PCSK2: variants seen among roughly 807,000 people sequenced by gnomAD.
PCSK2 encodes the protein neuroendocrine convertase 2.
A neutral mutation model predicts 69.7 loss-of-function variants in PCSK2; 14 were observed. That is an observed-to-expected ratio of 0.20 (90% confidence interval 0.13 to 0.31). The LOEUF is 0.31. Among genes scored for constraint, PCSK2 ranks in the 10% least tolerant of loss-of-function variants. The pLI is 1.00. For synonymous variants in PCSK2, 307 were observed against 320.7 expected, an observed-to-expected ratio of 0.96 and a Z score of 0.46; for missense variants, 544 against 842.5, an observed-to-expected ratio of 0.65 and a Z score of 4.39.
intron 6 of PCSK2, among the ~76,000 whole-genome samples, chr20:17,409,793 T>C (rs774954628): frequency 3.3e-5 from 5 of 152,200 alleles, no homozygotes; most frequent in Admixed American, 2.6e-4. Context: ...GTAAGTGTGA[T>C]TGGCAGAGGT....
chr20:17,473,245 C>T (rs766043106), intron 11 of PCSK2, among the ~76,000 whole-genome samples: 12 of 152,056 alleles, frequency 7.9e-5, no homozygotes, highest in Non-Finnish European at 1.3e-4. Context: ...AGGTACACAC[C>T]ACCATGCCTG....
rs1211296953 is a variant in PCSK2, at chr20:17,465,643, A to C, written c.1430+90A>C. On this transcript the variant is annotated intron_variant, in intron 11 of 11. Transcript: ENST00000262545. ...TGGCATAATATCACATTCCCTCTTCATGTTTGGGTCAACTGTATTTTTTGT... is the reference window on the plus strand; with the variant it reads ...TGGCATAATATCACATTCCCTCTTCCTGTTTGGGTCAACTGTATTTTTTGT... 5.6e-5 allele frequency: 44 copies of C among 787,632 alleles called. 1 individual carries two copies. The highest frequency in any genetic ancestry group is 5.1e-4 in the African/African-American group (29 of 57,278). The allele number at this position is 787,632 out of a possible 1,614,324, so 48.8% of individuals were successfully genotyped here.
intron 2 of PCSK2, among the ~76,000 whole-genome samples, chr20:17,331,780 A>G (rs1324630108): frequency 2.0e-5 from 3 of 150,656 alleles, no homozygotes; most frequent in Non-Finnish European, 4.4e-5. Context: ...AAAAAAAAAA[A>G]CCTCTGAGGT....
At chr20:17,309,874 G>A (rs775089599) in intron 2 of PCSK2, among the ~76,000 whole-genome samples, 1 of 149,684 alleles carries the variant, frequency 6.7e-6, no homozygotes, top group Non-Finnish European at 1.5e-5. Flanking sequence ...GAAGGGGAAG[G>A]GGAAGAGAAA....
At chr20:17,355,804 C>T (rs987508434) in intron 2 of PCSK2, among the ~76,000 whole-genome samples, 2 of 152,104 alleles carry the variant, frequency 1.3e-5, no homozygotes, top group African/African-American at 4.8e-5. Flanking sequence ...CCAGTGACTG[C>T]GAGCAGCAGG....
chr20:17,270,486 A>G (rs1182919424), intron 2 of PCSK2, among the ~76,000 whole-genome samples: 1 of 152,146 alleles, frequency 6.6e-6, no homozygotes, highest in African/African-American at 2.4e-5. Context: ...ATAACAACCC[A>G]ATTGCTGGAG....
intron 8 of PCSK2, among the ~76,000 whole-genome samples, chr20:17,447,196 G>C (rs2032715850): frequency 6.6e-6 from 1 of 151,482 alleles, no homozygotes; most frequent in Non-Finnish European, 1.5e-5. Context: ...TCTTGAAGCT[G>C]GGAGGCAAAG....
chr20:17,353,143 C>T (rs1453071417), intron 2 of PCSK2, among the ~76,000 whole-genome samples: 1 of 152,144 alleles, frequency 6.6e-6, no homozygotes, highest in Admixed American at 6.6e-5. Flanking sequence ...GATACCATCT[C>T]ACAACAGTCA....
intron 1 of PCSK2, among the ~76,000 whole-genome samples, chr20:17,242,885 C>T (rs1986634560): frequency 4.6e-5 from 7 of 152,138 alleles, no homozygotes; most frequent in Admixed American, 4.6e-4. Flanking sequence ...GGCTTGTTTG[C>T]CTTCTGTGTG....
intron 2 of PCSK2, among the ~76,000 whole-genome samples, chr20:17,269,002 A>G (rs528835380): frequency 6.6e-6 from 1 of 152,344 alleles, no homozygotes; most frequent in Admixed American, 6.5e-5. Context: ...GTTGGCCTGC[A>G]TTACTATAGA....
chr20:17,454,636 C>CT (rs2032885343), intron 9 of PCSK2, among the ~76,000 whole-genome samples: 2 of 152,122 alleles, frequency 1.3e-5, no homozygotes, highest in East Asian at 1.9e-4. Flanking sequence ...GCATAATAAG[C>CT]TTTTTTGGAT....
chr20:17,237,098 G>A (rs1324550845), intron 1 of PCSK2, among the ~76,000 whole-genome samples: 1 of 152,140 alleles, frequency 6.6e-6, no homozygotes, highest in Non-Finnish European at 1.5e-5. Context: ...GTTGAGAGGT[G>A]AGAGAAATGG....
intron 1 of PCSK2, among the ~76,000 whole-genome samples, chr20:17,236,949 C>T (rs1430204486): frequency 6.6e-6 from 1 of 152,080 alleles, no homozygotes; most frequent in Non-Finnish European, 1.5e-5. Flanking sequence ...TCAGACACTG[C>T]TAGTAGACAT....
rs1988560334 is a variant in PCSK2 at position 17,287,558 on chromosome 20, G to A, written c.282+27214G>A. Among the ~76,000 whole-genome samples the A allele has an allele frequency of 2.0e-5, 3 of 152,054 alleles. 1 individual carries two copies. The South Asian group carries it at 6.2e-4, about 32-fold the overall frequency. On this transcript the variant is annotated intron_variant, in intron 2 of 11. Coordinates refer to ENST00000262545, the MANE Select transcript of PCSK2 (RefSeq NM_002594.5). Reference sequence around the variant, plus strand: ...GGTGGATTCTTTCTTGTCTGCTCAAGCATAGGAGCAAGTGGGGTCATGCAA... The same window carrying A: ...GGTGGATTCTTTCTTGTCTGCTCAAACATAGGAGCAAGTGGGGTCATGCAA...
At chr20:17,469,885 G>A (rs2269035) in intron 11 of PCSK2, among the ~76,000 whole-genome samples, 2,940 of 152,230 alleles carry the variant, frequency 0.019, 225 homozygotes, top group East Asian at 0.19. Flanking sequence ...GGCTTGGGTA[G>A]GGGAGGGAGT....
chr20:17,449,546 T>TATATATATATATGTA (rs1442630991), intron 8 of PCSK2, among the ~76,000 whole-genome samples: 1 of 49,854 alleles, frequency 2.0e-5, no homozygotes, highest in African/African-American at 8.0e-5. Flanking sequence ...ATATGTATAT[T>TATATATATATATGTA]TGAGACTGAG....
intron 5 of PCSK2, among the ~76,000 whole-genome samples, chr20:17,383,527 C>T (rs2031147120): frequency 6.6e-6 from 1 of 152,124 alleles, no homozygotes; most frequent in Admixed American, 6.5e-5. Context: ...TTAATTCATT[C>T]ATTTGTGTTA....
intron 1 of PCSK2, among the ~76,000 whole-genome samples, chr20:17,230,832 A>G (rs764536515): frequency 2.6e-5 from 4 of 152,210 alleles, no homozygotes; most frequent in Non-Finnish European, 5.9e-5. Flanking sequence ...TTTTCTCTCT[A>G]AAATGAAATA....
intron 2 of PCSK2, among the ~76,000 whole-genome samples, chr20:17,270,725 T>C (rs6105735): frequency 0.1 from 15,966 of 152,126 alleles, 895 homozygotes; most frequent in Middle Eastern, 0.15. Flanking sequence ...CATGAGAAAG[T>C]TTCTTCTCCC....
Sources: allele counts gnomAD v4.1 joint callset (sites outside exome capture counted in the v4.1 genomes callset), GRCh38; gene constraint gnomAD v4.1.1; transcripts MANE v1.5; gene names NCBI Gene and HGNC (gene_info 2026-07-23, HGNC 2026-07-21).